Variants in PMFBP1 observed in about 807,000 individuals in gnomAD.
PMFBP1 encodes the protein polyamine modulated factor 1 binding protein 1.
Under a neutral mutation model 137.8 loss-of-function variants are expected in PMFBP1, and 131 were observed. The ratio of observed to expected loss-of-function variants is 0.95; its 90% CI spans 0.82 to 1.10. The LOEUF (loss-of-function observed/expected upper bound fraction) is 1.10. PMFBP1 is among the 50% of genes least tolerant of loss of function. The pLI, the probability that PMFBP1 is intolerant of heterozygous loss-of-function variation, is 0.00. For missense variants in PMFBP1, 1,199 were observed against 1,175.4 expected (o/e 1.02, Z -0.29); for synonymous variants, 490 against 450.4 (o/e 1.09, Z -1.11).
intron 9 of PMFBP1, among the ~76,000 whole-genome samples, chr16:72,135,239 C>A (rs1482185059): frequency 2.0e-5 from 3 of 151,966 alleles, no homozygotes; most frequent in East Asian, 3.9e-4. Flanking sequence ...TGCAGTGGTG[C>A]AATCTTGGCT....
chr16:72,211,321 T>C, the PMFBP1 span, among the ~76,000 whole-genome samples: 2 of 152,058 alleles, frequency 1.3e-5, no homozygotes, highest in South Asian at 4.2e-4. Context: ...AAGGCATCTG[T>C]CCCCCAGGCA....
chr16:72,185,794 T>C, the PMFBP1 span, among the ~76,000 whole-genome samples: 4 of 152,210 alleles, frequency 2.6e-5, no homozygotes, highest in Admixed American at 6.5e-5. Context: ...TTAACTAATT[T>C]GCAGTAAGAG....
At chr16:72,122,047 CCA>C (rs1296229851) in intron 19 of PMFBP1, among the ~76,000 whole-genome samples, 1 of 152,168 alleles carries the variant, frequency 6.6e-6, no homozygotes, top group Non-Finnish European at 1.5e-5. Context: ...CTCCCTCCTC[CCA>C]CCCTCCACCC....
the PMFBP1 span, among the ~76,000 whole-genome samples, chr16:72,243,214 C>T: frequency 2.6e-4 from 39 of 152,180 alleles, no homozygotes; most frequent in Admixed American, 1.8e-3. Context: ...AACACAAATT[C>T]CATAAACAAT....
the PMFBP1 span, among the ~76,000 whole-genome samples, chr16:72,223,065 C>T: frequency 3.3e-5 from 5 of 152,174 alleles, no homozygotes; most frequent in South Asian, 1.0e-3. Context: ...AATATGCTAC[C>T]CCAGGCTGTG....
At chr16:72,221,332 T>C in the PMFBP1 span, among the ~76,000 whole-genome samples, 11 of 152,170 alleles carry the variant, frequency 7.2e-5, no homozygotes, top group African/African-American at 1.2e-4. Flanking sequence ...AAAAATAAAT[T>C]AAGAAAAATG....
chr16:72,178,399 G>T (rs927357882), upstream of PMFBP1, among the ~76,000 whole-genome samples: 2 of 152,110 alleles, frequency 1.3e-5, no homozygotes, highest in Non-Finnish European at 2.9e-5. Flanking sequence ...CAAATATCCT[G>T]TTTTTCTTCA....
chr16:72,200,173 G>T, the PMFBP1 span, among the ~76,000 whole-genome samples: 2 of 152,364 alleles, frequency 1.3e-5, no homozygotes, highest in Non-Finnish European at 1.5e-5. Flanking sequence ...CAGAGCAGAG[G>T]AGCAGGGTGA....
At chr16:72,123,477 G>C in intron 18 of PMFBP1, 69 bp downstream of exon 18, 1 of 1,356,092 alleles carries the variant, frequency 7.4e-7, no homozygotes, top group Non-Finnish European at 1.0e-6. Context: ...ACTAATCTTT[G>C]GCACGCATGT....
the PMFBP1 span, among the ~76,000 whole-genome samples, chr16:72,214,526 G>T: frequency 6.6e-6 from 1 of 152,188 alleles, no homozygotes; most frequent in African/African-American, 2.4e-5. Context: ...TATTCCTAAT[G>T]TATGTGAGGC....
the PMFBP1 span, among the ~76,000 whole-genome samples, chr16:72,195,827 G>T: frequency 6.6e-6 from 1 of 152,262 alleles, no homozygotes; most frequent in African/African-American, 2.4e-5. Context: ...GGGCCGTCCT[G>T]GGCTGGGGGT....
the PMFBP1 span, among the ~76,000 whole-genome samples, chr16:72,227,068 C>T: frequency 1.3e-5 from 2 of 151,924 alleles, no homozygotes; most frequent in Non-Finnish European, 2.9e-5. Flanking sequence ...TCTTTTATGC[C>T]CCTCTGCCTG....
At chr16:72,148,071 C>T (rs2042840122) in intron 5 of PMFBP1, among the ~76,000 whole-genome samples, 1 of 152,156 alleles carries the variant, frequency 6.6e-6, no homozygotes, top group Non-Finnish European at 1.5e-5. Context: ...CACAGGCACA[C>T]ATATGTTTAC....
the PMFBP1 span, among the ~76,000 whole-genome samples, chr16:72,194,774 T>C: frequency 2.0e-5 from 3 of 152,220 alleles, no homozygotes; most frequent in Non-Finnish European, 4.4e-5. Flanking sequence ...GTTGGTGTTC[T>C]AGGTTGTTGA....
chr16:72,135,699 A>G (rs1471487150), intron 9 of PMFBP1, among the ~76,000 whole-genome samples: 1 of 146,280 alleles, frequency 6.8e-6, no homozygotes, highest in Non-Finnish European at 1.5e-5. Flanking sequence ...ATATTTTCAA[A>G]CTGCCTATTT....
rs1455362382 is a variant in PMFBP1 at position 72,123,570 on chromosome 16, A to C, written c.2669T>G (p.Leu890Trp). 1 of 1,613,870 alleles carries C rather than the reference A, an allele frequency of 6.2e-7. No homozygotes were observed. Among genetic ancestry groups the C allele is most frequent in the Non-Finnish European group, 8.5e-7 (1 of 1,179,954 alleles). ...YRGNDQIMTN[L>W]EQWAKQQKVA... ...CTTCTGCTGTTTTGCCCATTGCTCC[A>C]AGTTGGTCATAATCTGATCATTCCC... Residue 890 changes from leucine (L) to tryptophan (W), a missense_variant, in exon 18 of 21, where the codon TTG (leucine) becomes TGG (tryptophan). Physicochemically the swap from Leu to Trp is moderately conservative, Grantham distance 61. Transcript: ENST00000237353.
the PMFBP1 span, among the ~76,000 whole-genome samples, chr16:72,209,934 C>T: frequency 1.3e-5 from 2 of 152,242 alleles, no homozygotes; most frequent in Non-Finnish European, 2.9e-5. Context: ...ACTACAGCCA[C>T]TGCTGGGCCG....
the PMFBP1 span, among the ~76,000 whole-genome samples, chr16:72,247,053 T>C: frequency 6.6e-6 from 1 of 152,166 alleles, no homozygotes; most frequent in African/African-American, 2.4e-5. Flanking sequence ...TTACTCCCCA[T>C]TTACCTGTCC....
chr16:72,169,369 T>C (rs1236821248), intron 2 of PMFBP1, among the ~76,000 whole-genome samples: 1 of 152,242 alleles, frequency 6.6e-6, no homozygotes, highest in Admixed American at 6.5e-5. Flanking sequence ...TTAAACACTA[T>C]TATTGATATT....
Sources: allele counts gnomAD v4.1 joint callset (sites outside exome capture counted in the v4.1 genomes callset), GRCh38; gene constraint gnomAD v4.1.1; transcripts MANE v1.5; gene names NCBI Gene and HGNC (gene_info 2026-07-23, HGNC 2026-07-21).